The following UNC13B variants were observed in gnomAD, a reference collection of about 807,000 sequenced individuals.
UNC13B encodes the protein unc-13 homolog B, also known as protein unc-13 homolog B.
UNC13B carries 144 observed loss-of-function variants against 211.0 expected under a neutral mutation model. The observed-to-expected ratio is 0.68, with a 90% CI of 0.60 to 0.78. The LOEUF (loss-of-function observed/expected upper bound fraction) is 0.78, where lower values mean the gene tolerates loss of function less well. Among genes scored for constraint, UNC13B ranks in the 30% least tolerant of loss-of-function variants. The pLI, the probability that UNC13B is intolerant of heterozygous loss-of-function variation, is 0.00. For missense variants in UNC13B, 1,777 were observed against 2,002.0 expected (o/e 0.89, Z 2.14); for synonymous variants, 709 against 725.8 (o/e 0.98, Z 0.37).
intron 11 of UNC13B, among the ~76,000 whole-genome samples, chr9:35,315,705 C>T (rs1366177882): frequency 1.3e-5 from 2 of 152,190 alleles, no homozygotes; most frequent in South Asian, 2.1e-4. Flanking sequence ...GTCTCTTTTT[C>T]CTTTCTAATC....
chr9:35,295,855 A>G lies in UNC13B; in HGVS notation c.686A>G (p.Gln229Arg). ...CGATCGCCACAGCAGCTGCTACTTC[A>G]AGGCAGTTCCCGGGACTCTTGTAAT... ...PVRSPQQLLL[Q>R]GSSRDSCNDS... Residue 229 changes from glutamine (Q) to arginine (R), a missense_variant, in exon 8 of 40, where the codon CAA (glutamine) becomes CGA (arginine). By Grantham distance (43) the Gln-to-Arg change is conservative. Coordinates refer to ENST00000635942, the MANE Select transcript of UNC13B (RefSeq NM_001371189.2). 6.2e-7 allele frequency: 1 copy of G among 1,614,108 alleles called. No homozygotes were observed. The highest frequency in any genetic ancestry group is 8.5e-7 in the Non-Finnish European group (1 of 1,180,012).
At chr9:35,281,409 CA>C (rs1286695035) in intron 7 of UNC13B, among the ~76,000 whole-genome samples, 1 of 89,510 alleles carries the variant, frequency 1.1e-5, no homozygotes, top group African/African-American at 3.9e-5. Flanking sequence ...GAGACTGTCT[CA>C]AAAAAAAAAA....
intron 1 of UNC13B, 111 bp from the exon 2 acceptor site, chr9:35,227,904 T>TTG: frequency 1.7e-5 from 15 of 868,454 alleles, no homozygotes; most frequent in Non-Finnish European, 2.5e-5. Flanking sequence ...CAGGTTTAGA[T>TTG]TTAACAATCT....
In UNC13B at chr9:35,178,759, A is replaced by G. The variant is rs536902364; in HGVS notation, c.22+16454A>G. Among the ~76,000 whole-genome samples, 57 of 151,650 alleles carry G rather than the reference A, an allele frequency of 3.8e-4. 1 individual carries two copies. The highest frequency in any genetic ancestry group is 7.4e-5 in the Non-Finnish European group (5 of 67,890). ...TACTAAAATTAACTGGGTGTGGTGC[A>G]CGCCTGGATTCCCAACTACTCTGGA... is the stretch of plus-strand genomic sequence containing the variant. On this transcript the variant is annotated intron_variant, in intron 1 of 39. Coordinates refer to ENST00000635942, the MANE Select transcript of UNC13B (RefSeq NM_001371189.2).
At chr9:35,277,583 T>G (rs1225424023) in intron 7 of UNC13B, among the ~76,000 whole-genome samples, 1 of 151,956 alleles carries the variant, frequency 6.6e-6, no homozygotes, top group African/African-American at 2.4e-5. Context: ...ATAGAGCTTT[T>G]CATTTTCTCC....
At chr9:35,283,138 A>T (rs1022637569) in intron 7 of UNC13B, among the ~76,000 whole-genome samples, 2 of 152,072 alleles carry the variant, frequency 1.3e-5, no homozygotes, top group South Asian at 4.1e-4. Context: ...CCCATCCTCT[A>T]TTACACAGTA....
chr9:35,317,772 A>G (rs1366875516), intron 11 of UNC13B, among the ~76,000 whole-genome samples: 1 of 151,058 alleles, frequency 6.6e-6, no homozygotes, highest in African/African-American at 2.4e-5. Context: ...CCTGACCTCA[A>G]GTGATCCACC....
intron 20 of UNC13B, 73 bp from the exon 21 acceptor site, chr9:35,382,284 T>G (rs1443908956): frequency 3.9e-6 from 6 of 1,543,278 alleles, no homozygotes; most frequent in Non-Finnish European, 5.2e-6. Context: ...TCCCATAAAC[T>G]TTTAGAGTTC....
intron 7 of UNC13B, among the ~76,000 whole-genome samples, chr9:35,284,116 C>T (rs1828656460): frequency 6.6e-6 from 1 of 151,964 alleles, no homozygotes; most frequent in South Asian, 2.1e-4. Context: ...AAAAATTAGC[C>T]AGGCGTGGTG....
chr9:35,207,431 TA>T (rs960350813), intron 1 of UNC13B, among the ~76,000 whole-genome samples: 23 of 150,938 alleles, frequency 1.5e-4, no homozygotes, highest in African/African-American at 3.4e-4. Context: ...CTTGGCTAAT[TA>T]AAAAAAAATA....
chr9:35,257,285 C>A (rs914865578), intron 6 of UNC13B, among the ~76,000 whole-genome samples: 8 of 116,588 alleles, frequency 6.9e-5, no homozygotes, highest in Non-Finnish European at 1.1e-4. Flanking sequence ...GTGGTGAAAC[C>A]CCCATTTTTT....
chr9:35,399,215 G>A lies in UNC13B; in HGVS notation c.12129G>A (p.Lys4043=). 6.2e-7 allele frequency: 1 copy of A among 1,614,122 alleles called. No homozygotes were observed. The highest frequency in any genetic ancestry group is 1.7e-5 in the Admixed American group (1 of 60,018). Reference sequence around the variant, plus strand: ...AGACGGTTCTGAAGCGTGTACTGAAGGAGCTCTGGCGCGTGGTGATGAACA... The same window carrying A: ...AGACGGTTCTGAAGCGTGTACTGAAAGAGCTCTGGCGCGTGGTGATGAACA... ...CEKTVLKRVL[K]ELWRVVMNTM... is the part of the protein sequence containing the mutation. Residue 4043 remains lysine, a synonymous_variant, in exon 34 of 40, where the codon AAG becomes AAA. Transcript: ENST00000635942.
chr9:35,295,245 A>G (rs1284904738), intron 7 of UNC13B, among the ~76,000 whole-genome samples: 2 of 152,188 alleles, frequency 1.3e-5, no homozygotes, highest in Non-Finnish European at 2.9e-5. Context: ...TGAAAACACC[A>G]AGACAACGTT....
At chr9:35,325,898 G>A (rs555527266) in intron 11 of UNC13B, among the ~76,000 whole-genome samples, 45 of 152,300 alleles carry the variant, frequency 3.0e-4, no homozygotes, top group African/African-American at 1.1e-3. Context: ...AGCATGGATC[G>A]TTACTTTTGG....
chr9:35,216,379 G>C (rs1434353617), intron 1 of UNC13B, among the ~76,000 whole-genome samples: 1 of 152,140 alleles, frequency 6.6e-6, no homozygotes, highest in Non-Finnish European at 1.5e-5. Context: ...ACCAGCTAGG[G>C]GTTTCACGAC....
intron 2 of UNC13B, among the ~76,000 whole-genome samples, chr9:35,228,483 C>A (rs969523556): frequency 6.6e-6 from 1 of 151,918 alleles, no homozygotes; most frequent in Non-Finnish European, 1.5e-5. Flanking sequence ...CTATCCCTCC[C>A]CCCGTCCCCC....
intron 1 of UNC13B, among the ~76,000 whole-genome samples, chr9:35,192,263 AGTT>A (rs1330106591): frequency 1.3e-5 from 2 of 152,192 alleles, no homozygotes; most frequent in African/African-American, 4.8e-5. Flanking sequence ...TTCCAGTTAG[AGTT>A]GTTAAGAGGT....
At chr9:35,329,353 A>G (rs1831236748) in intron 11 of UNC13B, among the ~76,000 whole-genome samples, 1 of 152,214 alleles carries the variant, frequency 6.6e-6, no homozygotes, top group African/African-American at 2.4e-5. Context: ...AGAAGAAGAA[A>G]TGAGGACACA....
intron 7 of UNC13B, among the ~76,000 whole-genome samples, chr9:35,272,404 C>T (rs979175349): frequency 3.3e-5 from 5 of 151,504 alleles, no homozygotes; most frequent in Non-Finnish European, 5.9e-5. Flanking sequence ...ATTACAGGCA[C>T]CTACCACCAC....
Sources: allele counts gnomAD v4.1 joint callset (sites outside exome capture counted in the v4.1 genomes callset), GRCh38; gene constraint gnomAD v4.1.1; transcripts MANE v1.5; gene names NCBI Gene and HGNC (gene_info 2026-07-23, HGNC 2026-07-21).